EXOC4: variants seen among roughly 807,000 people sequenced by gnomAD.
The protein encoded by EXOC4 is SEC8-like 1.
Under a neutral mutation model 107.2 loss-of-function variants are expected in EXOC4, and 71 were observed. The ratio of observed to expected loss-of-function variants is 0.66; its 90% CI spans 0.55 to 0.81. The LOEUF (loss-of-function observed/expected upper bound fraction) is 0.81. Ranked by LOEUF, EXOC4 falls within the 30% of genes least tolerant of loss-of-function variation. EXOC4 has a pLI of 0.00. For missense variants in EXOC4, 1,108 were observed against 1,189.6 expected, an observed-to-expected ratio of 0.93 and a Z score of 1.01; for synonymous variants, 456 against 441.2, an observed-to-expected ratio of 1.03 and a Z score of -0.42.
Position 133,725,796 on chromosome 7 carries a change from C to T in EXOC4, c.1515-91529C>T, listed in dbSNP as rs1248692138. The stretch of plus-strand genomic sequence containing the variant: ...TATTCATTCATTGGTCAGATTTGGC[C>T]CATAGGTTGTTGTTTACCAACTCCT... On this transcript the variant is annotated intron_variant, in intron 10 of 17. Transcript: ENST00000253861. Among the ~76,000 whole-genome samples, 3 of 152,098 alleles carry T rather than the reference C, an allele frequency of 2.0e-5. No individual in the cohort carries two copies. In the East Asian group the frequency reaches 5.8e-4, roughly 29 times the overall value.
At chr7:133,514,089 T>C (rs1005120543) in intron 9 of EXOC4, among the ~76,000 whole-genome samples, 5 of 152,200 alleles carry the variant, frequency 3.3e-5, no homozygotes, top group African/African-American at 1.2e-4. Flanking sequence ...ATGGTATTGA[T>C]AATATTTTAT....
In EXOC4 at chr7:133,288,917, T is replaced by C; in HGVS notation, c.277-5T>C. On this transcript the variant is annotated splice_region_variant and splice_polypyrimidine_tract_variant and intron_variant, in intron 2 of 17. Coordinates refer to ENST00000253861, the MANE Select transcript of EXOC4 (RefSeq NM_021807.4). ...TGACCCAAGACCGAATCTGTTTTAT[T>C]GTAGGTAAAAGAGAACCTGCTTTCA... 2 of 1,613,782 alleles carry C rather than the reference T, an allele frequency of 1.2e-6. No homozygotes were observed. The highest frequency in any genetic ancestry group is 1.7e-6 in the Non-Finnish European group (2 of 1,179,694).
At chr7:133,414,318 C>G (rs891106741) in intron 7 of EXOC4, among the ~76,000 whole-genome samples, 1 of 152,056 alleles carries the variant, frequency 6.6e-6, no homozygotes, top group Non-Finnish European at 1.5e-5. Context: ...TTGATAACAC[C>G]AAGTGTTGGC....
the EXOC4 span, among the ~76,000 whole-genome samples, chr7:134,076,036 C>T: frequency 1.3e-4 from 20 of 152,232 alleles, no homozygotes; most frequent in Middle Eastern, 3.4e-3. Flanking sequence ...ATACACACAA[C>T]GAAGAGGCTG....
At position 133,275,177 on chromosome 7, in the gene EXOC4, C is replaced by T. The variant is rs1203844684; in HGVS notation, c.276+6C>T. 1.3e-6 allele frequency: 2 copies of T among 1,585,760 alleles called. No individual in the cohort carries two copies. The highest frequency in any genetic ancestry group is 1.7e-5 in the Admixed American group (1 of 57,698). On this transcript the variant is annotated splice_donor_region_variant and intron_variant, in intron 2 of 17. Coordinates refer to ENST00000253861, the MANE Select transcript of EXOC4 (RefSeq NM_021807.4). Reference sequence around the variant, plus strand: ...CCCGAAATAAAATAAAGCAGGTATTCCTCCTTTCTGGTCTGATGGTGGCAG... The same window carrying T: ...CCCGAAATAAAATAAAGCAGGTATTTCTCCTTTCTGGTCTGATGGTGGCAG...
intron 3 of EXOC4, among the ~76,000 whole-genome samples, chr7:133,291,798 G>A (rs190817137): frequency 6.6e-6 from 1 of 152,114 alleles, no homozygotes; most frequent in African/African-American, 2.4e-5. Context: ...GGTATTAACT[G>A]AGGATCTAAT....
chr7:133,770,640 A>G (rs996114344), intron 10 of EXOC4, among the ~76,000 whole-genome samples: 1 of 151,904 alleles, frequency 6.6e-6, no homozygotes, highest in Non-Finnish European at 1.5e-5. Context: ...GACCTTGAGG[A>G]GGTCATATCT....
chr7:133,687,991 CT>C (rs891662163), intron 10 of EXOC4, among the ~76,000 whole-genome samples: 1 of 152,070 alleles, frequency 6.6e-6, no homozygotes, highest in African/African-American at 2.4e-5. Flanking sequence ...GTGAAATTTA[CT>C]TTTTTTAGGA....
chr7:133,982,193 T>C (rs1049552908), intron 14 of EXOC4, among the ~76,000 whole-genome samples: 1 of 152,142 alleles, frequency 6.6e-6, no homozygotes, highest in African/African-American at 2.4e-5. Flanking sequence ...CAAACCCCCA[T>C]GACGCAAATT....
intron 15 of EXOC4, among the ~76,000 whole-genome samples, chr7:134,003,926 G>T (rs1242170720): frequency 6.6e-6 from 1 of 152,054 alleles, no homozygotes; most frequent in African/African-American, 2.4e-5. Flanking sequence ...AATTGTGTGT[G>T]ACCAGACTGA....
At chr7:134,021,526 A>G (rs1217505696) in intron 17 of EXOC4, among the ~76,000 whole-genome samples, 2 of 152,244 alleles carry the variant, frequency 1.3e-5, no homozygotes, top group African/African-American at 2.4e-5. Context: ...TAGTTTTCCA[A>G]TTGATGGAAA....
At chr7:133,863,115 C>T (rs1171435978) in intron 11 of EXOC4, among the ~76,000 whole-genome samples, 2 of 151,770 alleles carry the variant, frequency 1.3e-5, no homozygotes, top group East Asian at 1.9e-4. Flanking sequence ...CAGGTGCCAT[C>T]ATGGGGAGAT....
At chr7:133,873,466 G>A (rs1354764572) in intron 11 of EXOC4, among the ~76,000 whole-genome samples, 2 of 152,216 alleles carry the variant, frequency 1.3e-5, no homozygotes, top group African/African-American at 4.8e-5. Flanking sequence ...TGGGGAAAGT[G>A]ACGTCAAAGT....
chr7:133,777,096 G>A (rs973307899), intron 10 of EXOC4, among the ~76,000 whole-genome samples: 6 of 151,914 alleles, frequency 3.9e-5, no homozygotes, highest in Admixed American at 2.6e-4. Context: ...TTTTGTTGTT[G>A]ATTTTTTATA....
chr7:134,059,492 TC>T (rs1021566590), intron 17 of EXOC4, among the ~76,000 whole-genome samples: 49 of 152,300 alleles, frequency 3.2e-4, no homozygotes, highest in African/African-American at 1.0e-3. Context: ...GAAAAATTGT[TC>T]CACCTCATGC....
chr7:133,755,237 ATATATAATATATATATTATATATATAT>A (rs1795876605), intron 10 of EXOC4, among the ~76,000 whole-genome samples: 1 of 101,508 alleles, frequency 9.9e-6, no homozygotes, highest in Non-Finnish European at 1.9e-5. Context: ...TATATATAAT[ATATATAATATATATATTATATATATAT>A]TATATATATT....
chr7:134,071,192 T>A (rs1481628494), downstream of EXOC4, among the ~76,000 whole-genome samples: 1 of 152,198 alleles, frequency 6.6e-6, no homozygotes, highest in African/African-American at 2.4e-5. Context: ...ATCCCTACTT[T>A]ACAGAGGAAA....
intron 14 of EXOC4, among the ~76,000 whole-genome samples, chr7:133,958,604 T>C (rs533229083): frequency 6.6e-6 from 1 of 152,242 alleles, no homozygotes; most frequent in Admixed American, 6.5e-5. Flanking sequence ...AACACTGTTA[T>C]ATTCCAGAAG....
chr7:133,290,564 T>C (rs920133802), intron 3 of EXOC4, among the ~76,000 whole-genome samples: 7 of 152,346 alleles, frequency 4.6e-5, no homozygotes, highest in Non-Finnish European at 8.8e-5. Flanking sequence ...TCATGATTTT[T>C]TGGAGTGGGC....
Sources: allele counts gnomAD v4.1 joint callset (sites outside exome capture counted in the v4.1 genomes callset), GRCh38; gene constraint gnomAD v4.1.1; transcripts MANE v1.5; gene names NCBI Gene and HGNC (gene_info 2026-07-23, HGNC 2026-07-21).